HGF: variants seen among roughly 807,000 people sequenced by gnomAD.
The protein encoded by HGF is hepatocyte growth factor, also known as fibroblast-derived tumor cytotoxic factor.
HGF carries 39 observed loss-of-function variants against 111.6 expected under a neutral mutation model. That is an observed-to-expected ratio of 0.35 (90% CI 0.27 to 0.46). The LOEUF (loss-of-function observed/expected upper bound fraction) is 0.46. HGF is among the 20% of genes least tolerant of loss of function. HGF has a pLI of 1.00. For missense variants in HGF, 735 were observed against 910.5 expected, an observed-to-expected ratio of 0.81 and a Z score of 2.48; for synonymous variants, 285 against 294.8, an observed-to-expected ratio of 0.97 and a Z score of 0.34.
chr7:81,751,484 A>G, intron 5 of HGF: 1 of 885,462 alleles, frequency 1.1e-6, no homozygotes, highest in South Asian at 5.6e-5. Context: ...AAACATAGAC[A>G]TGGACTTAAG....
intron 7 of HGF, chr7:81,736,815 CG>C (rs952577096): frequency 4.5e-6 from 2 of 441,922 alleles, no homozygotes; most frequent in Middle Eastern, 3.3e-4. Flanking sequence ...TATAGATAGG[CG>C]GTAACAGATG....
At chr7:81,710,094 G>A (rs1295094849) in intron 13 of HGF, 53 bp downstream of exon 13, 1 of 1,199,838 alleles carries the variant, frequency 8.3e-7, no homozygotes, top group Non-Finnish European at 1.2e-6. Flanking sequence ...CTGGGAATAG[G>A]ACTCTCTTGT....
intron 2 of HGF, among the ~76,000 whole-genome samples, chr7:81,762,268 A>G (rs1789123550): frequency 6.6e-6 from 1 of 152,064 alleles, no homozygotes; most frequent in South Asian, 2.1e-4. Flanking sequence ...TTCTCTCAAC[A>G]CCTTTTATTT....
intron 3 of HGF, among the ~76,000 whole-genome samples, chr7:81,757,811 C>A (rs965723559): frequency 7.2e-5 from 11 of 151,774 alleles, no homozygotes; most frequent in Non-Finnish European, 1.6e-4. Flanking sequence ...GATAGGACAA[C>A]CAAATTGTAA....
intron 5 of HGF, among the ~76,000 whole-genome samples, chr7:81,748,576 C>T (rs1175120320): frequency 2.6e-5 from 4 of 152,242 alleles, no homozygotes; most frequent in South Asian, 2.1e-4. Context: ...AACATATAAA[C>T]GATGTAACAG....
chr7:81,748,968 C>G (rs894672985), intron 5 of HGF, among the ~76,000 whole-genome samples: 4 of 152,128 alleles, frequency 2.6e-5, no homozygotes, highest in African/African-American at 9.7e-5. Flanking sequence ...GTATCTGAAT[C>G]TATTTTTAAT....
At chr7:81,723,975 C>T (rs1583942324) in intron 9 of HGF, among the ~76,000 whole-genome samples, 1 of 151,850 alleles carries the variant, frequency 6.6e-6, no homozygotes. Context: ...ATATTTTCAC[C>T]TATGAATGAA....
In HGF at chr7:81,752,343, G is replaced by A. The variant is rs5745645; in HGVS notation, c.483-81C>T. ...ATTAATTTTACTAATTAGTGGGTAT[G>A]TTTTTGCTGAAGGTAGAAAAATCCT... On this transcript the variant is annotated intron_variant, in intron 4 of 17. Coordinates refer to ENST00000222390, the MANE Select transcript of HGF (RefSeq NM_000601.6). The A allele has an allele frequency of 2.0e-3, 2,278 of 1,154,888 alleles. 33 individuals are homozygous for A. In the African/African-American group the frequency reaches 0.031, roughly 16 times the overall value. 71.5% of individuals were successfully genotyped at this position (1,154,888 alleles called of 1,614,324 possible).
chr7:81,764,347 C>T (rs1358328947), intron 1 of HGF, among the ~76,000 whole-genome samples: 2 of 152,084 alleles, frequency 1.3e-5, no homozygotes, highest in African/African-American at 2.4e-5. Context: ...GCACAATCTC[C>T]AAAAGACAAT....
rs149793642 is a variant in HGF, at chr7:81,721,164, G to A, written c.1169-317C>T. ...CGAGAGGCTGAAGCAGGAGAATGGCGTGAACCCGGGAGGCGGAGCTTGCCG... is the reference window on the plus strand; with the variant it reads ...CGAGAGGCTGAAGCAGGAGAATGGCATGAACCCGGGAGGCGGAGCTTGCCG... On this transcript the variant is annotated intron_variant, in intron 9 of 17. Transcript: ENST00000222390. 0.03 allele frequency among the ~76,000 whole-genome samples: 4,585 copies of A among 152,194 alleles called. 97 individuals are homozygous for A. The highest frequency in any genetic ancestry group is 0.13 in the East Asian group (658 of 5,158).
intron 5 of HGF, chr7:81,750,793 TA>T (rs1788459448): frequency 4.7e-6 from 1 of 211,776 alleles, no homozygotes; most frequent in Non-Finnish European, 7.4e-6. Context: ...AAAACTGTAA[TA>T]GGAGAGATTC....
At chr7:81,768,670 C>T (rs1185069246) in intron 1 of HGF, among the ~76,000 whole-genome samples, 1 of 152,182 alleles carries the variant, frequency 6.6e-6, no homozygotes, top group Non-Finnish European at 1.5e-5. Flanking sequence ...TGAGCCACCG[C>T]ACCCGACCCT....
intron 5 of HGF, among the ~76,000 whole-genome samples, chr7:81,747,117 T>C (rs1464067566): frequency 1.3e-5 from 2 of 152,132 alleles, no homozygotes; most frequent in Non-Finnish European, 2.9e-5. Context: ...GATGGGCGGA[T>C]CACGAGGTCA....
intron 5 of HGF, among the ~76,000 whole-genome samples, chr7:81,747,158 G>T (rs997885913): frequency 4.6e-5 from 7 of 152,242 alleles, no homozygotes; most frequent in Admixed American, 2.6e-4. Flanking sequence ...CTAACACGGT[G>T]AAACCCCGTC....
Position 81,720,810 on chromosome 7 carries a change from G to C in HGF, c.1206C>G (p.Asn402Lys). The change falls in exon 10 of 18, where the codon AAC (asparagine) becomes AAG (lysine). Residue 402 changes from asparagine (N) to lysine (K), a missense_variant. Physicochemically the swap from Asn to Lys is moderately conservative, Grantham distance 94. This residue lies in a region of HGF where 553 missense variants were observed against 685.6 expected (regional missense o/e 0.81). Transcript: ENST00000222390. ...TTAGTCCAGATCTTGTTTGGGATAA[G>C]TTGCCCATATAATTTTTGCCATTCC... ...YRGNGKNYMG[N>K]LSQTRSGLTC... The C allele has an allele frequency of 6.2e-7, 1 of 1,612,858 alleles. No individual in the cohort carries two copies. The highest frequency in any genetic ancestry group is 8.5e-7 in the Non-Finnish European group (1 of 1,178,912).
chr7:81,719,131 T>C (rs892888889), intron 10 of HGF, among the ~76,000 whole-genome samples: 14 of 152,192 alleles, frequency 9.2e-5, no homozygotes, highest in African/African-American at 3.4e-4. Context: ...TCAAATAATC[T>C]AATGCTTTGG....
chr7:81,706,442 A>C lies in HGF; in HGVS notation c.1617-15T>G, dbSNP rs773523345. On this transcript the variant is annotated splice_polypyrimidine_tract_variant and intron_variant, in intron 14 of 17. Transcript: ENST00000222390. ...CTTTCAAGTCTCTGTTTTGAAGGAAAAAAATTTAAATGTAAAACATAATAA... is the reference window on the plus strand; with the variant it reads ...CTTTCAAGTCTCTGTTTTGAAGGAACAAAATTTAAATGTAAAACATAATAA... 7 of 1,597,646 alleles carry C rather than the reference A, an allele frequency of 4.4e-6. No individual in the cohort carries two copies. The highest frequency in any genetic ancestry group is 6.0e-6 in the Non-Finnish European group (7 of 1,165,694).
chr7:81,749,249 A>G (rs1221132357), intron 5 of HGF, among the ~76,000 whole-genome samples: 1 of 152,136 alleles, frequency 6.6e-6, no homozygotes, highest in African/African-American at 2.4e-5. Flanking sequence ...TTTTAAAATA[A>G]TGATTATGGC....
intron 7 of HGF, among the ~76,000 whole-genome samples, chr7:81,734,449 C>G (rs1374122205): frequency 4.6e-5 from 7 of 152,098 alleles, no homozygotes; most frequent in Admixed American, 3.9e-4. Context: ...ATGCATGCCT[C>G]TTGGAACATT....
Sources: allele counts gnomAD v4.1 joint callset (sites outside exome capture counted in the v4.1 genomes callset), GRCh38; gene constraint gnomAD v4.1.1; regional missense constraint gnomAD v4.1.1; transcripts MANE v1.5; gene names NCBI Gene and HGNC (gene_info 2026-07-23, HGNC 2026-07-21).